Variants in TRANK1 observed in about 807,000 individuals in gnomAD.
TRANK1 encodes tetratricopeptide repeat and ankyrin repeat containing 1.
In TRANK1, 198 loss-of-function variants were observed where a neutral mutation model predicts 266.0. The ratio of observed to expected loss-of-function variants is 0.74; its 90% CI spans 0.66 to 0.84. TRANK1 has a LOEUF of 0.84. TRANK1 is among the 40% of genes least tolerant of loss of function. The probability of loss-of-function intolerance (pLI) is 0.00; values close to 1 mark genes in which losing one functional copy is unlikely to be tolerated. For missense variants in TRANK1, 3,326 were observed against 3,634.6 expected (o/e 0.92, Z 2.18); for synonymous variants, 1,396 against 1,384.1 (o/e 1.01, Z -0.19).
At chr3:36,910,768 C>A (rs1300417922) in intron 1 of TRANK1, among the ~76,000 whole-genome samples, 8 of 149,930 alleles carry the variant, frequency 5.3e-5, no homozygotes, top group South Asian at 2.1e-4. Flanking sequence ...AAAATAAAAT[C>A]ATGTTGCAAA....
chr3:36,918,606 GGAAA>G lies in TRANK1; in HGVS notation c.24-10156_24-10153del, dbSNP rs1180042549. Among the ~76,000 whole-genome samples, 141 of 22,132 alleles carry G rather than the reference GGAAA, an allele frequency of 6.4e-3. 9 individuals carry two copies. The highest frequency in any genetic ancestry group is 0.038 in the Middle Eastern group (2 of 52). 14.5% of individuals were successfully genotyped at this position (22,132 alleles called of 152,430 possible). On this transcript the variant is annotated intron_variant, in intron 1 of 23. Transcript: ENST00000645898. ...AGGAAGGAAGGAAGGAAGGAAGGAA[GGAAA>G]GAAAGAAAGAAAGAAAGAAAGAAAG...
In TRANK1 at chr3:36,852,280, G is replaced by C. The variant is rs566229516; in HGVS notation, c.4615C>G (p.Arg1539Gly). 2.1e-5 allele frequency: 34 copies of C among 1,612,220 alleles called. No homozygotes were observed. The highest frequency in any genetic ancestry group is 2.8e-5 in the Non-Finnish European group (33 of 1,179,196). Residue 1539 changes from arginine (R) to glycine (G), a missense_variant, in exon 14 of 24, where the codon CGC becomes GGC. Arg to Gly is a moderately radical substitution (Grantham distance 125, BLOSUM62 -2). Transcript: ENST00000645898. ...LQFYFPESFD[R>G]LPRDSGLFDG... ...AAGAGGCCAGAATCCCTTGGAAGGC[G>C]ATCAAAAGATTCTGGGAAATAGAAC... is the stretch of plus-strand genomic sequence containing the variant.
intron 1 of TRANK1, among the ~76,000 whole-genome samples, chr3:36,939,751 A>ATCT (rs2080471098): frequency 1.3e-5 from 2 of 152,240 alleles, no homozygotes; most frequent in Admixed American, 1.3e-4. Flanking sequence ...ATTCCAGTAC[A>ATCT]GGTACATCTG....
intron 1 of TRANK1, among the ~76,000 whole-genome samples, chr3:36,916,591 C>T (rs986757031): frequency 6.6e-6 from 1 of 152,120 alleles, no homozygotes; most frequent in African/African-American, 2.4e-5. Context: ...CCAATTGATA[C>T]TTCCAGATCA....
rs560792375 is a variant in TRANK1 at position 36,832,428 on chromosome 3, C to T, written c.7155G>A (p.Gly2385=). 3 of 1,613,992 alleles carry T rather than the reference C, an allele frequency of 1.9e-6. No individual in the cohort carries two copies. In the Admixed American group the frequency reaches 5.0e-5, roughly 27 times the overall value. The stretch of plus-strand genomic sequence containing the variant: ...TGTTGGGTGCCAGCATGCCAAATTT[C>T]CCTTCTATTCCTTTTATCCTGCTGC... The part of the protein sequence containing the change: ...GRGSRIKGIE[G]KFGMLAPNRD... Residue 2385 remains glycine, a synonymous_variant, in exon 22 of 24, where the codon GGG becomes GGA. Coordinates refer to ENST00000645898, the MANE Select transcript of TRANK1 (RefSeq NM_001329998.2).
intron 15 of TRANK1, 40 bp downstream of exon 15, chr3:36,851,679 A>G (rs751700783): frequency 2.5e-6 from 4 of 1,586,054 alleles, no homozygotes; most frequent in East Asian, 2.2e-5. Flanking sequence ...CAGCTCATAC[A>G]TAAATATTCA....
intron 1 of TRANK1, among the ~76,000 whole-genome samples, chr3:36,915,995 T>A (rs941298806): frequency 3.9e-5 from 6 of 152,168 alleles, no homozygotes; most frequent in African/African-American, 1.2e-4. Flanking sequence ...TTGAAGGCCA[T>A]CAGAGGGTCT....
chr3:36,900,044 G>A (rs2079852358), intron 3 of TRANK1, among the ~76,000 whole-genome samples: 1 of 152,130 alleles, frequency 6.6e-6, no homozygotes, highest in Non-Finnish European at 1.5e-5. Context: ...ATTTTTTGTA[G>A]AGACGAAGTC....
At position 36,892,986 on chromosome 3, in the gene TRANK1, T is replaced by C; in HGVS notation, c.553-2A>G. ...TTTTGCTGACAGAAGCAGAAATGAC[T>C]GGTGGGAGAAGACAGAAAAGGCTGG... On this transcript the variant is annotated splice_acceptor_variant, in intron 5 of 23. Coordinates refer to ENST00000645898, the MANE Select transcript of TRANK1 (RefSeq NM_001329998.2). LOFTEE classifies it high-confidence loss of function. The C allele has an allele frequency of 6.7e-7, 1 of 1,500,774 alleles. No individual in the cohort carries two copies. Among genetic ancestry groups the C allele is most frequent in the Non-Finnish European group, 8.8e-7 (1 of 1,132,236 alleles). The allele number at this position is 1,500,774 out of a possible 1,614,324, so 93.0% of individuals were successfully genotyped here.
At chr3:36,890,098 C>A (rs2079666739) in intron 7 of TRANK1, 138 bp from the exon 8 acceptor site, 2 of 1,148,916 alleles carry the variant, frequency 1.7e-6, no homozygotes, top group African/African-American at 1.6e-5. Context: ...CTAAGGTAAC[C>A]AAATGAGGAA....
intron 1 of TRANK1, among the ~76,000 whole-genome samples, chr3:36,942,337 G>A (rs1399804483): frequency 6.6e-6 from 1 of 151,974 alleles, no homozygotes; most frequent in Non-Finnish European, 1.5e-5. Context: ...GCCTTTCTGG[G>A]CCTTAATTTC....
chr3:36,888,748 T>C (rs982691024), intron 8 of TRANK1, among the ~76,000 whole-genome samples: 1 of 152,098 alleles, frequency 6.6e-6, no homozygotes, highest in Non-Finnish European at 1.5e-5. Context: ...ATCACAAGAT[T>C]CCACAGTTTT....
intron 1 of TRANK1, among the ~76,000 whole-genome samples, chr3:36,912,217 C>A (rs2080062364): frequency 6.6e-6 from 1 of 151,650 alleles, no homozygotes; most frequent in African/African-American, 2.4e-5. Context: ...ATAAGGTCAG[C>A]GTGACTCTAT....
chr3:36,892,080 AT>A (rs2079705573), intron 7 of TRANK1, 121 bp downstream of exon 7: 1 of 1,200,448 alleles, frequency 8.3e-7, no homozygotes, highest in Non-Finnish European at 1.1e-6. Flanking sequence ...TAATCAGATC[AT>A]TTGAATATTC....
At chr3:36,942,482 C>CAAAA (rs565174922) in intron 1 of TRANK1, among the ~76,000 whole-genome samples, 3,889 of 79,700 alleles carry the variant, frequency 0.049, 211 homozygotes, top group African/African-American at 0.089. Context: ...TCTTCTTCCT[C>CAAAA]AAAAAAAAAA....
rs760510059 is a variant in TRANK1, at chr3:36,855,801, A to G, written c.3921T>C (p.Ala1307=). The change falls in exon 13 of 24, where the codon GCT becomes GCC. Residue 1307 remains alanine (A), a synonymous_variant. Coordinates refer to ENST00000645898, the MANE Select transcript of TRANK1 (RefSeq NM_001329998.2). ...CACTGTCACCCGTACGCATTTCTAC[A>G]GCTTTATCCTCCTCACTGTAGTCCC... ...VDGDYSEEDK[A]VEMRTGDSDP... The G allele has an allele frequency of 1.2e-6, 2 of 1,613,444 alleles. No individual in the cohort carries two copies.
chr3:36,933,290 G>A (rs1359207591), intron 1 of TRANK1, among the ~76,000 whole-genome samples: 4 of 152,264 alleles, frequency 2.6e-5, no homozygotes, highest in African/African-American at 9.6e-5. Context: ...CAGGAATAAA[G>A]GCTCTCGTGC....
chr3:36,925,484 TTTAAAG>T (rs2080275030), intron 1 of TRANK1, among the ~76,000 whole-genome samples: 1 of 152,052 alleles, frequency 6.6e-6, no homozygotes, highest in African/African-American at 2.4e-5. Flanking sequence ...TGGAAACTCA[TTTAAAG>T]TTAAAGAAAA....
At chr3:36,914,316 TAG>T (rs1052523324) in intron 1 of TRANK1, among the ~76,000 whole-genome samples, 3 of 151,920 alleles carry the variant, frequency 2.0e-5, no homozygotes, top group African/African-American at 4.8e-5. Flanking sequence ...GTATTTTTAG[TAG>T]AGACAGGGTT....
Sources: gnomAD v4.1 joint callset for allele counts (sites outside exome capture counted in the v4.1 genomes callset) on GRCh38, gnomAD v4.1.1 for gene constraint, MANE v1.5 for transcripts, NCBI Gene and HGNC (gene_info 2026-07-23, HGNC 2026-07-21) for gene names.